The following UBE3C variants were observed in gnomAD, a reference collection of about 807,000 sequenced individuals.
UBE3C encodes the protein ubiquitin-protein ligase E3C.
In UBE3C, 42 loss-of-function variants were observed where a neutral mutation model predicts 129.4. The observed-to-expected ratio is 0.32, with a 90% CI of 0.25 to 0.42. The LOEUF (loss-of-function observed/expected upper bound fraction) is 0.42. Ranked by LOEUF, UBE3C falls within the 10% of genes least tolerant of loss-of-function variation. UBE3C has a pLI of 1.00. For missense variants in UBE3C, 1,049 were observed against 1,319.1 expected (o/e 0.80, Z 3.17); for synonymous variants, 510 against 492.4 (o/e 1.04, Z -0.47).
chr7:157,208,055 CTTTTTTTTTTTTTTTTTTTTTT>C (rs35366316), intron 13 of UBE3C, 120 bp downstream of exon 13: 1,163 of 93,226 alleles, frequency 0.012, 5 homozygotes, highest in Middle Eastern at 0.025. Flanking sequence ...ATTTGCAAGA[CTTTTTTTTTTTTTTTTTTTTTT>C]TTTTTTTTTT....
rs757503922 is a variant in UBE3C, at chr7:157,186,867, G to A, written c.1177G>A (p.Glu393Lys). 3 of 1,614,208 alleles carry A rather than the reference G, an allele frequency of 1.9e-6. No individual in the cohort carries two copies. Among genetic ancestry groups the A allele is most frequent in the Non-Finnish European group, 1.7e-6 (2 of 1,180,042 alleles). ...CAGACTGTCAGTATCATACATAACAGAGGAATGCCTGAAGAAGCTGGACAC... is the reference window on the plus strand; with the variant it reads ...CAGACTGTCAGTATCATACATAACAAAGGAATGCCTGAAGAAGCTGGACAC... ...DGRLSVSYIT[E>K]ECLKKLDTKQ... The change falls in exon 10 of 23, where the codon GAG (glutamate) becomes AAG (lysine). Residue 393 changes from glutamate (E) to lysine (K), a missense_variant. Coordinates refer to ENST00000348165, the MANE Select transcript of UBE3C (RefSeq NM_014671.3).
At chr7:157,154,260 C>T (rs1488460415) in intron 1 of UBE3C, among the ~76,000 whole-genome samples, 3 of 150,926 alleles carry the variant, frequency 2.0e-5, no homozygotes, top group African/African-American at 7.3e-5. Flanking sequence ...GTGGAGGTTG[C>T]AGTGAGCCAA....
chr7:157,169,816 G>A (rs1209576314), intron 3 of UBE3C, among the ~76,000 whole-genome samples: 2 of 152,154 alleles, frequency 1.3e-5, no homozygotes, highest in Non-Finnish European at 2.9e-5. Context: ...GAGTAGCTGG[G>A]ACTACAGGTG....
intron 10 of UBE3C, 45 bp downstream of exon 10, chr7:157,187,066 A>G (rs761879903): frequency 1.3e-6 from 2 of 1,532,786 alleles, no homozygotes; most frequent in African/African-American, 1.4e-5. Context: ...CAGCCAGAGA[A>G]CATACCTTCC....
chr7:157,227,317 AGGGGTACTTGCAAGT>A (rs1368873306), intron 17 of UBE3C, among the ~76,000 whole-genome samples: 1 of 152,148 alleles, frequency 6.6e-6, no homozygotes, highest in Non-Finnish European at 1.5e-5. Context: ...TGCTGTGGTC[AGGGGTACTTGCAAGT>A]GGGGGGGCTG....
At position 157,165,204 on chromosome 7, in the gene UBE3C, T is replaced by G. The variant is rs190395838; in HGVS notation, c.120+1341T>G. ...AATTCTCGGCCATTATCTCTTCCAT[T>G]AGTGCTTTTGCTTCATTCTTCTCCT... is the stretch of plus-strand genomic sequence containing the variant. On this transcript the variant is annotated intron_variant, in intron 2 of 22. Coordinates refer to ENST00000348165, the MANE Select transcript of UBE3C (RefSeq NM_014671.3). Among the ~76,000 whole-genome samples, 7 of 152,260 alleles carry G rather than the reference T, an allele frequency of 4.6e-5. No homozygotes were observed. In the South Asian group the frequency reaches 8.3e-4, roughly 18 times the overall value.
intron 1 of UBE3C, among the ~76,000 whole-genome samples, chr7:157,152,018 G>A (rs1346771497): frequency 6.6e-6 from 1 of 152,148 alleles, no homozygotes; most frequent in Non-Finnish European, 1.5e-5. Flanking sequence ...TTTGTGTGCT[G>A]GACTGGGTAG....
Position 157,220,872 on chromosome 7 carries a change from T to C in UBE3C, c.2002+96T>C, listed in dbSNP as rs188022205. On this transcript the variant is annotated intron_variant, in intron 15 of 22. Coordinates refer to ENST00000348165, the MANE Select transcript of UBE3C (RefSeq NM_014671.3). ...AGATCTGTTATTTTTCATAAACTTA[T>C]ACAGCCATGTCACTCCCAGCAGGAG... is the stretch of plus-strand genomic sequence containing the variant. 470 of 1,357,816 alleles carry C rather than the reference T, an allele frequency of 3.5e-4. 1 individual carries two copies. Among genetic ancestry groups the C allele is most frequent in the Non-Finnish European group, 4.2e-4 (421 of 994,810 alleles). The allele number at this position is 1,357,816 out of a possible 1,614,324, so 84.1% of individuals were successfully genotyped here.
intron 22 of UBE3C, among the ~76,000 whole-genome samples, chr7:157,262,609 C>T (rs1346522320): frequency 1.3e-5 from 2 of 151,678 alleles, no homozygotes; most frequent in African/African-American, 4.8e-5. Flanking sequence ...TTAGTAGAGG[C>T]AGGATTTCAC....
chr7:157,229,186 C>T (rs1795956245), intron 17 of UBE3C, among the ~76,000 whole-genome samples: 1 of 152,210 alleles, frequency 6.6e-6, no homozygotes, highest in Non-Finnish European at 1.5e-5. Flanking sequence ...TGCAAAGCAC[C>T]TGTAGAACAT....
intron 10 of UBE3C, among the ~76,000 whole-genome samples, chr7:157,194,537 G>A (rs1194707109): frequency 6.6e-6 from 1 of 152,172 alleles, no homozygotes; most frequent in Non-Finnish European, 1.5e-5. Context: ...GCAGTAGGTC[G>A]AGGCTGGAAG....
intron 18 of UBE3C, among the ~76,000 whole-genome samples, chr7:157,247,333 G>A (rs1796504586): frequency 6.6e-6 from 1 of 152,232 alleles, no homozygotes; most frequent in Non-Finnish European, 1.5e-5. Context: ...GTCTAGCACA[G>A]TGCCTGGCAC....
intron 19 of UBE3C, among the ~76,000 whole-genome samples, chr7:157,253,263 G>A (rs754226070): frequency 1.3e-4 from 20 of 152,316 alleles, no homozygotes; most frequent in Admixed American, 2.6e-4. Context: ...TCATACAAGT[G>A]GGGGACAGTA....
chr7:157,202,783 G>A (rs754694381), intron 11 of UBE3C, among the ~76,000 whole-genome samples: 4 of 152,242 alleles, frequency 2.6e-5, no homozygotes, highest in Non-Finnish European at 5.9e-5. Context: ...CATGGTAGTA[G>A]TGATAATAGC....
Position 157,170,386 on chromosome 7 carries a change from A to G in UBE3C, c.278A>G (p.Asn93Ser). ...GCTTTTCCCATTGCTAATGGCCCCA[A>G]CCTTACCCTTTTGGTAAGGCAGCTT... ...GGAFPIANGP[N>S]LTLLVRQLLF... Residue 93 changes from asparagine to serine, a missense_variant, in exon 4 of 23, where the codon AAC (asparagine) becomes AGC (serine). Physicochemically the swap from Asn to Ser is conservative, Grantham distance 46. Around this residue, in one of 4 missense-constraint regions of UBE3C, gnomAD observed 489 missense variants for 513.8 expected, o/e 0.95. Transcript: ENST00000348165. 2.5e-6 allele frequency: 4 copies of G among 1,576,570 alleles called. No individual in the cohort carries two copies. Among genetic ancestry groups the G allele is most frequent in the Non-Finnish European group, 3.4e-6 (4 of 1,163,744 alleles).
intron 1 of UBE3C, among the ~76,000 whole-genome samples, chr7:157,161,833 A>T (rs945794303): frequency 6.6e-6 from 1 of 152,000 alleles, no homozygotes; most frequent in African/African-American, 2.4e-5. Flanking sequence ...GCAGTTCGGG[A>T]GGCCAAGGCG....
In UBE3C at chr7:157,186,850, C is replaced by CAGT. The variant is rs1308556209; in HGVS notation, c.1162_1164dup (p.Val388dup). ...ATGTTCTAGGAGGATGGCAGACTGT[C>CAGT]AGTATCATACATAACAGAGGAATGC... On this transcript the variant is annotated inframe_insertion, in exon 10 of 23. Coordinates refer to ENST00000348165, the MANE Select transcript of UBE3C (RefSeq NM_014671.3). 2 of 1,614,010 alleles carry CAGT rather than the reference C, an allele frequency of 1.2e-6. No individual in the cohort carries two copies. Among genetic ancestry groups the CAGT allele is most frequent in the Admixed American group, 3.3e-5 (2 of 60,004 alleles).
At chr7:157,145,231 ACT>A (rs1368744251) in intron 1 of UBE3C, among the ~76,000 whole-genome samples, 1 of 150,838 alleles carries the variant, frequency 6.6e-6, no homozygotes, top group Non-Finnish European at 1.5e-5. Context: ...ACAGAGCATG[ACT>A]CTGTCTCCAA....
At chr7:157,222,438 G>C (rs1185729760) in intron 15 of UBE3C, 1 of 142,356 alleles carries the variant, frequency 7.0e-6, no homozygotes, top group African/African-American at 2.6e-5. Flanking sequence ...TTTCTTTTTT[G>C]AGGCAGGGTC....
Sources: allele counts gnomAD v4.1 joint callset (sites outside exome capture counted in the v4.1 genomes callset), GRCh38; gene constraint gnomAD v4.1.1; regional missense constraint gnomAD v4.1.1; transcripts MANE v1.5; gene names NCBI Gene and HGNC (gene_info 2026-07-23, HGNC 2026-07-21).